The following FSIP1 variants were observed in gnomAD, a reference collection of about 807,000 sequenced individuals.
The protein encoded by FSIP1 is fibrous sheath-interacting protein 1.
In FSIP1, 65 loss-of-function variants were observed where a neutral mutation model predicts 60.9. The observed-to-expected ratio is 1.07, with a 90% CI of 0.87 to 1.31. The LOEUF (loss-of-function observed/expected upper bound fraction) is 1.31, where lower values mean the gene tolerates loss of function less well. FSIP1 is among the 40% of genes most tolerant of loss of function. FSIP1 has a pLI of 0.00. For missense variants in FSIP1, 675 were observed against 665.5 expected, an observed-to-expected ratio of 1.01 and a Z score of -0.16; for synonymous variants, 209 against 221.2, an observed-to-expected ratio of 0.94 and a Z score of 0.49.
intron 11 of FSIP1, among the ~76,000 whole-genome samples, chr15:39,611,799 A>G (rs1566850817): frequency 6.6e-6 from 1 of 152,222 alleles, no homozygotes; most frequent in Non-Finnish European, 1.5e-5. Context: ...AAGAAAATAC[A>G]TGGACAAAGT....
Position 39,614,644 on chromosome 15 carries a change from CAAAAAAAAAAA to C in FSIP1, c.1699+3080_1699+3090del, listed in dbSNP as rs35512322. Among the ~76,000 whole-genome samples, 9 of 96,342 alleles carry C rather than the reference CAAAAAAAAAAA, an allele frequency of 9.3e-5. No homozygotes were observed. The Admixed American group carries it at 1.0e-3, about 11-fold the overall frequency. The allele number at this position is 96,342 out of a possible 152,430, so 63.2% of individuals were successfully genotyped here. A position where few individuals can be genotyped will look rare whatever the true frequency, so the allele number is the denominator to read the frequency against. Reference sequence around the variant, plus strand: ...TGGGTGACAGGGCAAGACTCCATCTCAAAAAAAAAAAAAAAAAAAGAAGATGTACCATATTC... The same window carrying C: ...TGGGTGACAGGGCAAGACTCCATCTCAAAAAAAAGAAGATGTACCATATTC... On this transcript the variant is annotated intron_variant, in intron 11 of 11. Coordinates refer to ENST00000350221, the MANE Select transcript of FSIP1 (RefSeq NM_152597.5).
At chr15:39,618,952 AT>A (rs1891343466) in intron 10 of FSIP1, among the ~76,000 whole-genome samples, 1 of 152,178 alleles carries the variant, frequency 6.6e-6, no homozygotes, top group Non-Finnish European at 1.5e-5. Context: ...TGAAAAAAAA[AT>A]GTCTACTTCC....
At chr15:39,621,301 C>T (rs777180767) in intron 10 of FSIP1, among the ~76,000 whole-genome samples, 34 of 152,194 alleles carry the variant, frequency 2.2e-4, no homozygotes, top group Non-Finnish European at 4.1e-4. Flanking sequence ...TGAGCTGAAT[C>T]TTCACTGGCT....
intron 11 of FSIP1, among the ~76,000 whole-genome samples, chr15:39,604,040 T>A (rs1890736055): frequency 6.6e-6 from 1 of 152,214 alleles, no homozygotes; most frequent in South Asian, 2.1e-4. Context: ...CAAGCGATTC[T>A]CCTGCCTCAG....
intron 5 of FSIP1, among the ~76,000 whole-genome samples, chr15:39,761,863 T>G (rs943693930): frequency 6.6e-6 from 1 of 152,218 alleles, no homozygotes; most frequent in African/African-American, 2.4e-5. Context: ...ACAATAAAAA[T>G]TTTTAAGTTA....
At chr15:39,618,629 A>G (rs16969395) in intron 10 of FSIP1, among the ~76,000 whole-genome samples, 23,735 of 152,110 alleles carry the variant, frequency 0.16, 2,044 homozygotes, top group East Asian at 0.33. Flanking sequence ...TGCATCCTGC[A>G]ATGTGTCGTT....
At position 39,690,909 on chromosome 15, in the gene FSIP1, G is replaced by A. The variant is rs190362778; in HGVS notation, c.1188+22535C>T. On this transcript the variant is annotated intron_variant, in intron 10 of 11. Transcript: ENST00000350221. ...AGTTCAACATTCTCCTTTCTCCATA[G>A]TGAGTTTCCCTTTGGGCCCCTTGGA... Among the ~76,000 whole-genome samples the A allele has an allele frequency of 3.0e-4, 45 of 152,318 alleles. No homozygotes were observed. In the East Asian group the frequency reaches 6.8e-3, roughly 23 times the overall value.
In FSIP1 at chr15:39,727,511, A is replaced by T. The variant is rs1157685892; in HGVS notation, c.892-764T>A. Among the ~76,000 whole-genome samples, 3 of 152,324 alleles carry T rather than the reference A, an allele frequency of 2.0e-5. No individual in the cohort carries two copies. The East Asian group carries it at 5.8e-4, about 29-fold the overall frequency. Reference sequence around the variant, plus strand: ...ATCAGGTCTGTATTTTAAAACTGGAACTACTGACAGCAAGAGTGGAAGCAG... The same window carrying T: ...ATCAGGTCTGTATTTTAAAACTGGATCTACTGACAGCAAGAGTGGAAGCAG... On this transcript the variant is annotated intron_variant, in intron 8 of 11. Transcript: ENST00000350221.
intron 10 of FSIP1, among the ~76,000 whole-genome samples, chr15:39,659,809 T>C (rs1338647993): frequency 6.6e-6 from 1 of 152,114 alleles, no homozygotes; most frequent in Non-Finnish European, 1.5e-5. Flanking sequence ...TTCTGGAATT[T>C]TTATTGCAAT....
intron 10 of FSIP1, among the ~76,000 whole-genome samples, chr15:39,631,737 C>A (rs1891898326): frequency 6.6e-6 from 1 of 152,128 alleles, no homozygotes; most frequent in Non-Finnish European, 1.5e-5. Flanking sequence ...TAATCACAGT[C>A]TTTGATTGTG....
chr15:39,767,393 G>A (rs1316911185), intron 3 of FSIP1, among the ~76,000 whole-genome samples: 1 of 152,228 alleles, frequency 6.6e-6, no homozygotes, highest in Non-Finnish European at 1.5e-5. Flanking sequence ...AATGTAAACT[G>A]TGTCAGCAGC....
chr15:39,662,288 T>C (rs1213957814), intron 10 of FSIP1, among the ~76,000 whole-genome samples: 3 of 152,126 alleles, frequency 2.0e-5, no homozygotes, highest in Admixed American at 6.5e-5. Flanking sequence ...AGATGTGCCA[T>C]ACCTAAAATA....
chr15:39,727,065 G>C (rs1010836747), intron 8 of FSIP1, among the ~76,000 whole-genome samples: 2 of 152,154 alleles, frequency 1.3e-5, no homozygotes, highest in Admixed American at 6.5e-5. Flanking sequence ...AAAATGTTTT[G>C]TGACATGTTA....
At chr15:39,724,550 C>A (rs1352204092) in intron 9 of FSIP1, among the ~76,000 whole-genome samples, 2 of 152,190 alleles carry the variant, frequency 1.3e-5, no homozygotes, top group Non-Finnish European at 2.9e-5. Flanking sequence ...CTGCGCCTGG[C>A]CCATATTCAT....
At chr15:39,730,662 C>T (rs1041647187) in intron 8 of FSIP1, among the ~76,000 whole-genome samples, 3 of 152,196 alleles carry the variant, frequency 2.0e-5, no homozygotes, top group East Asian at 1.9e-4. Flanking sequence ...GGGAGGATCA[C>T]GACAAGACAC....
At chr15:39,685,256 CA>C (rs900810787) in intron 10 of FSIP1, among the ~76,000 whole-genome samples, 5 of 150,446 alleles carry the variant, frequency 3.3e-5, no homozygotes, top group South Asian at 4.2e-4. Context: ...ATTTCCATGA[CA>C]AAAAAAAATT....
chr15:39,661,133 C>T lies in FSIP1; in HGVS notation c.1189-42888G>A, dbSNP rs903077684. 7.2e-5 allele frequency among the ~76,000 whole-genome samples: 11 copies of T among 152,252 alleles called. No individual in the cohort carries two copies. In the East Asian group the frequency reaches 9.6e-4, roughly 13 times the overall value. ...AATTAACCATTTGAACAGCTTTTGA[C>T]GTCTCTAGTGGAAAAACACACTAGA... On this transcript the variant is annotated intron_variant, in intron 10 of 11. Transcript: ENST00000350221.
At position 39,738,118 on chromosome 15, in the gene FSIP1, C is replaced by T; in HGVS notation, c.864G>A (p.Glu288=). 6.2e-7 allele frequency: 1 copy of T among 1,612,510 alleles called. No individual in the cohort carries two copies. The highest frequency in any genetic ancestry group is 8.5e-7 in the Non-Finnish European group (1 of 1,179,036). The stretch of plus-strand genomic sequence containing the variant: ...CAGAACTGGAGAGCCCGGAATCTTT[C>T]TCATCCAAGTCCTTCAAAAGCTCAA... ...RLVELLKDLD[E]KDSGLSSSEG... is the part of the protein sequence containing the mutation. Residue 288 remains glutamate, a synonymous_variant, in exon 8 of 12, where the codon GAG becomes GAA. Coordinates refer to ENST00000350221, the MANE Select transcript of FSIP1 (RefSeq NM_152597.5).
chr15:39,602,263 G>T, intron 11 of FSIP1: 1 of 453,118 alleles, frequency 2.2e-6, no homozygotes, highest in Non-Finnish European at 4.4e-6. Context: ...GGCAGAGACT[G>T]GAGTGACGTG....
Sources: allele counts gnomAD v4.1 joint callset (sites outside exome capture counted in the v4.1 genomes callset), GRCh38; gene constraint gnomAD v4.1.1; transcripts MANE v1.5; gene names NCBI Gene and HGNC (gene_info 2026-07-23, HGNC 2026-07-21).